Variants in CYFIP2 observed in about 807,000 individuals in gnomAD.
CYFIP2 encodes cytoplasmic FMR1-interacting protein 2.
A neutral mutation model predicts 158.7 loss-of-function variants in CYFIP2; 29 were observed. The ratio of observed to expected loss-of-function variants is 0.18; its 90% CI spans 0.14 to 0.25. The LOEUF (loss-of-function observed/expected upper bound fraction) is 0.25. Among genes scored for constraint, CYFIP2 ranks in the 10% least tolerant of loss-of-function variants. CYFIP2 has a pLI of 1.00. For synonymous variants in CYFIP2, 585 were observed against 617.6 expected (o/e 0.95, Z 0.78); for missense variants, 852 against 1,639.5 (o/e 0.52, Z 8.29).
chr5:157,349,761 C>G (rs769129055), intron 23 of CYFIP2, among the ~76,000 whole-genome samples: 3 of 152,244 alleles, frequency 2.0e-5, no homozygotes, highest in African/African-American at 7.2e-5. Flanking sequence ...CTTTTCACCA[C>G]ATCCACGCCA....
At chr5:157,338,429 T>C (rs1762010512) in intron 21 of CYFIP2, among the ~76,000 whole-genome samples, 1 of 152,228 alleles carries the variant, frequency 6.6e-6, no homozygotes, top group South Asian at 2.1e-4. Flanking sequence ...CATATAGTGG[T>C]TAAGAATGTG....
chr5:157,311,880 G>A lies in CYFIP2; in HGVS notation c.1110+99G>A. The A allele has an allele frequency of 1.8e-6, 2 of 1,125,722 alleles. No individual in the cohort carries two copies. Among genetic ancestry groups the A allele is most frequent in the Non-Finnish European group, 2.6e-6 (2 of 781,176 alleles). 69.7% of individuals were successfully genotyped at this position (1,125,722 alleles called of 1,614,324 possible). ...ACATGGACCCACGGAACACTGGAGA[G>A]TAGAAGGGAGGGAGGCAGGAGGGTA... On this transcript the variant is annotated intron_variant, in intron 11 of 30. Transcript: ENST00000620254. This position sits in a 1 kb window ranked among gnomAD's most constrained non-coding sequence, Gnocchi z 4.7.
intron 5 of CYFIP2, among the ~76,000 whole-genome samples, 163 bp from the exon 6 acceptor site, chr5:157,300,552 A>G (rs974423577): frequency 6.6e-6 from 1 of 151,852 alleles, no homozygotes; most frequent in African/African-American, 2.4e-5. Flanking sequence ...AAAAAAAAGA[A>G]AAAAAGAAAT....
chr5:157,287,550 G>T (rs1757491950), intron 3 of CYFIP2, among the ~76,000 whole-genome samples: 1 of 152,138 alleles, frequency 6.6e-6, no homozygotes, highest in Admixed American at 6.5e-5. Context: ...TTGCAAATAG[G>T]GCCAGTTATT....
At chr5:157,340,352 G>T (rs565797949) in intron 22 of CYFIP2, among the ~76,000 whole-genome samples, 1 of 152,312 alleles carries the variant, frequency 6.6e-6, no homozygotes, top group African/African-American at 2.4e-5. Flanking sequence ...AATGCACCTG[G>T]ATCCACACAC....
chr5:157,314,527 C>G (rs1759983914), intron 12 of CYFIP2, 64 bp downstream of exon 12: 1 of 1,554,218 alleles, frequency 6.4e-7, no homozygotes, highest in Non-Finnish European at 8.7e-7. Flanking sequence ...GCCTCCATCT[C>G]CCCCTAGCAC....
intron 26 of CYFIP2, among the ~76,000 whole-genome samples, chr5:157,368,907 T>TTG (rs1009528495): frequency 3.3e-5 from 5 of 151,194 alleles, no homozygotes; most frequent in African/African-American, 1.2e-4. Flanking sequence ...TTTTTGTTTT[T>TTG]TTTTTTTTTG....
In CYFIP2 at chr5:157,380,882, G is replaced by A. The variant is rs183428199; in HGVS notation, c.3040-1708G>A. ...CATAGCAATGAAGGCCAGGTTATGGGATTTACTAGAAAGGAAAGAAACAAA... is the reference window on the plus strand; with the variant it reads ...CATAGCAATGAAGGCCAGGTTATGGAATTTACTAGAAAGGAAAGAAACAAA... On this transcript the variant is annotated intron_variant, in intron 26 of 30. Coordinates refer to ENST00000620254, the MANE Select transcript of CYFIP2 (RefSeq NM_001037333.3). 3.5e-4 allele frequency among the ~76,000 whole-genome samples: 53 copies of A among 152,224 alleles called. No individual in the cohort carries two copies. The East Asian group carries it at 6.0e-3, about 17-fold the overall frequency.
intron 21 of CYFIP2, among the ~76,000 whole-genome samples, chr5:157,335,662 C>G (rs1761800450): frequency 6.6e-6 from 1 of 152,198 alleles, no homozygotes; most frequent in Non-Finnish European, 1.5e-5. Context: ...GACCTACCCA[C>G]CCACCTAAGT....
intron 15 of CYFIP2, 48 bp from the exon 16 acceptor site, chr5:157,323,873 G>T (rs1463188253): frequency 6.8e-7 from 1 of 1,472,110 alleles, no homozygotes; most frequent in East Asian, 2.5e-5. Context: ...TTTTTCCCCG[G>T]GGTAGAGGGC....
chr5:157,366,057 G>A (rs953883803), intron 26 of CYFIP2, among the ~76,000 whole-genome samples: 1 of 152,072 alleles, frequency 6.6e-6, no homozygotes, highest in African/African-American at 2.4e-5. Flanking sequence ...TTTTCAAATT[G>A]TACCAATTTA....
intron 3 of CYFIP2, among the ~76,000 whole-genome samples, chr5:157,289,297 G>A (rs1468989992): frequency 1.3e-5 from 2 of 152,182 alleles, no homozygotes; most frequent in Admixed American, 6.5e-5. Context: ...AAGGATTTTC[G>A]AGGAGTGACT....
chr5:157,294,913 C>A, intron 4 of CYFIP2, 53 bp downstream of exon 4: 1 of 1,449,148 alleles, frequency 6.9e-7, no homozygotes, highest in Admixed American at 1.8e-5. Context: ...CATTACTAAC[C>A]CCTACTTCAT....
intron 15 of CYFIP2, chr5:157,322,819 C>A: frequency 9.8e-7 from 1 of 1,019,002 alleles, no homozygotes; most frequent in East Asian, 2.7e-5. Flanking sequence ...GCAGTCGCGG[C>A]GGCTTTCCCA....
intron 3 of CYFIP2, chr5:157,288,555 G>A (rs1757574675): frequency 2.2e-6 from 1 of 455,178 alleles, no homozygotes; most frequent in South Asian, 1.6e-5. Context: ...CTGATCCTCA[G>A]TGAGTCAAGT....
chr5:157,389,803 G>T (rs765239920), intron 29 of CYFIP2, among the ~76,000 whole-genome samples: 6 of 152,216 alleles, frequency 3.9e-5, no homozygotes, highest in Admixed American at 6.5e-5. Context: ...GCGTGGTGGG[G>T]AGAGGAGGCT....
intron 26 of CYFIP2, chr5:157,365,017 A>G (rs1344589728): frequency 1.3e-5 from 2 of 152,170 alleles, no homozygotes; most frequent in Non-Finnish European, 2.9e-5. Context: ...TTAGGACAAG[A>G]CACACATGAT....
intron 1 of CYFIP2, among the ~76,000 whole-genome samples, chr5:157,284,013 G>A (rs991341314): frequency 2.0e-5 from 3 of 152,096 alleles, no homozygotes; most frequent in African/African-American, 7.2e-5. Context: ...CCTTCTCTTT[G>A]TGTCCCTCTT....
intron 26 of CYFIP2, among the ~76,000 whole-genome samples, chr5:157,375,306 C>T (rs964747873): frequency 4.6e-5 from 7 of 152,174 alleles, no homozygotes; most frequent in African/African-American, 1.7e-4. Context: ...TTATACTCTG[C>T]CTGTGTCCAA....
Sources: allele counts gnomAD v4.1 joint callset (sites outside exome capture counted in the v4.1 genomes callset), GRCh38; gene constraint gnomAD v4.1.1; non-coding constraint Gnocchi (gnomAD v3.1); transcripts MANE v1.5; gene names NCBI Gene and HGNC (gene_info 2026-07-23, HGNC 2026-07-21).